Variants in ZNF675 observed in about 807,000 individuals in gnomAD.
The protein encoded by ZNF675 is zinc finger protein 675.
A neutral mutation model predicts 56.1 loss-of-function variants in ZNF675; 36 were observed. The observed-to-expected ratio is 0.64, with a 90% CI of 0.49 to 0.85. ZNF675 has a LOEUF of 0.85. Among genes scored for constraint, ZNF675 ranks in the 40% least tolerant of loss-of-function variants. The pLI is 0.00. For missense variants in ZNF675, 663 were observed against 654.2 expected, an observed-to-expected ratio of 1.01 and a Z score of -0.15; for synonymous variants, 200 against 218.9, an observed-to-expected ratio of 0.91 and a Z score of 0.76.
intron 1 of ZNF675, among the ~76,000 whole-genome samples, chr19:23,673,873 T>C (rs1968256899): frequency 6.7e-6 from 1 of 149,598 alleles, no homozygotes; most frequent in Non-Finnish European, 1.5e-5. Context: ...AAAAATTTTA[T>C]CCGGCCCCAG....
intron 1 of ZNF675, among the ~76,000 whole-genome samples, chr19:23,665,487 T>G (rs1163233128): frequency 6.6e-6 from 1 of 152,054 alleles, no homozygotes; most frequent in Non-Finnish European, 1.5e-5. Context: ...AGTGGTTTTT[T>G]TGTTCTTTGG....
intron 1 of ZNF675, among the ~76,000 whole-genome samples, chr19:23,681,126 G>A (rs576501130): frequency 1.3e-5 from 2 of 151,850 alleles, no homozygotes; most frequent in African/African-American, 4.9e-5. Flanking sequence ...GAAGGCAGAA[G>A]AGATTATGAA....
intron 1 of ZNF675, among the ~76,000 whole-genome samples, chr19:23,669,289 G>A (rs942586267): frequency 1.7e-4 from 22 of 131,060 alleles, no homozygotes; most frequent in Admixed American, 6.6e-4. Context: ...ATATGACACC[G>A]TTGGCAGCGG....
At chr19:23,667,108 G>T (rs931045305) in intron 1 of ZNF675, among the ~76,000 whole-genome samples, 1 of 152,058 alleles carries the variant, frequency 6.6e-6, no homozygotes, top group Non-Finnish European at 1.5e-5. Context: ...TCCTTCTGGT[G>T]GGTTCGTGGT....
chr19:23,687,173 G>C lies in ZNF675; in HGVS notation c.-140C>G, dbSNP rs539798819. ...AGACCTGGAGCTCCGGCTGCAGCGA[G>C]AGACAAAGGCGCCGCCAAATCCCGG... is the stretch of plus-strand genomic sequence containing the variant. On this transcript the variant is annotated 5_prime_UTR_variant, in exon 1 of 4. Coordinates refer to ENST00000359788, the MANE Select transcript of ZNF675 (RefSeq NM_138330.3). 1.9e-6 allele frequency: 2 copies of C among 1,060,806 alleles called. No homozygotes were observed. The highest frequency in any genetic ancestry group is 2.5e-5 in the East Asian group (1 of 40,800). 65.7% of individuals were successfully genotyped at this position (1,060,806 alleles called of 1,614,324 possible).
chr19:23,661,551 G>A (rs576701045), intron 3 of ZNF675, among the ~76,000 whole-genome samples: 1 of 152,106 alleles, frequency 6.6e-6, no homozygotes, highest in East Asian at 2.0e-4. Context: ...TTAGCCGGGT[G>A]TGGTGGCACG....
At chr19:23,686,667 C>T (rs1322178285) in intron 1 of ZNF675, among the ~76,000 whole-genome samples, 1 of 152,040 alleles carries the variant, frequency 6.6e-6, no homozygotes, top group African/African-American at 2.4e-5. Context: ...AACTGGGAAC[C>T]CCACGGACCA....
At chr19:23,669,973 G>T (rs1460173365) in intron 1 of ZNF675, among the ~76,000 whole-genome samples, 1 of 152,040 alleles carries the variant, frequency 6.6e-6, no homozygotes, top group Admixed American at 6.6e-5. Context: ...CTAAGTCTGG[G>T]GCCTAAAGAG....
At chr19:23,674,219 TAAAAC>T (rs1968265435) in intron 1 of ZNF675, among the ~76,000 whole-genome samples, 1 of 151,352 alleles carries the variant, frequency 6.6e-6, no homozygotes, top group African/African-American at 2.4e-5. Context: ...TAAAATAAAA[TAAAAC>T]AAAAATAAAA....
At chr19:23,678,374 C>T (rs1243093564) in intron 1 of ZNF675, among the ~76,000 whole-genome samples, 1 of 150,644 alleles carries the variant, frequency 6.6e-6, no homozygotes, top group African/African-American at 2.5e-5. Flanking sequence ...CCTCAGCCAC[C>T]CAAGTAGCCG....
Position 23,653,513 on chromosome 19 carries a change from G to A in ZNF675, c.1420C>T (p.His474Tyr). 1 of 1,613,278 alleles carries A rather than the reference G, an allele frequency of 6.2e-7. No individual in the cohort carries two copies. Among genetic ancestry groups the A allele is most frequent in the South Asian group, 1.1e-5 (1 of 91,044 alleles). The change falls in exon 4 of 4, where the codon CAT (histidine) becomes TAT (tyrosine). Residue 474 changes from histidine (H) to tyrosine (Y), a missense_variant. His to Tyr is a moderately conservative substitution (Grantham distance 83, BLOSUM62 2). This residue lies in a region of ZNF675 where 617 missense variants were observed against 590.5 expected (regional missense o/e 1.04). Transcript: ENST00000359788. ...SSKLTEHKKIHSGEIPYKCEE... is the reference protein window; with the variant it reads ...SSKLTEHKKIYSGEIPYKCEE... ...CACTTGTAGGGTATCTCTCCAGAAT[G>A]AATTTTCTTATGTTCAGTAAGTTTT...
chr19:23,669,231 A>G (rs946744513), intron 1 of ZNF675, among the ~76,000 whole-genome samples: 4 of 152,212 alleles, frequency 2.6e-5, no homozygotes, highest in Non-Finnish European at 5.9e-5. Context: ...CCTGCCCAGA[A>G]GGGGGAAAGA....
chr19:23,670,257 T>G (rs1272283287), intron 1 of ZNF675, among the ~76,000 whole-genome samples: 1 of 152,154 alleles, frequency 6.6e-6, no homozygotes, highest in African/African-American at 2.4e-5. Flanking sequence ...TGCAATACTG[T>G]CTGGCCCTAT....
intron 1 of ZNF675, among the ~76,000 whole-genome samples, chr19:23,672,846 G>C (rs928866306): frequency 6.6e-6 from 1 of 152,170 alleles, no homozygotes; most frequent in African/African-American, 2.4e-5. Flanking sequence ...CCAGTTACAA[G>C]TGTATTTGTA....
chr19:23,676,588 GAAC>G (rs1968297439), intron 1 of ZNF675, among the ~76,000 whole-genome samples: 1 of 151,676 alleles, frequency 6.6e-6, no homozygotes, highest in South Asian at 2.1e-4. Context: ...CACTTAAACA[GAAC>G]TACAGACAAA....
At position 23,663,160 on chromosome 19, in the gene ZNF675, T is replaced by A. The variant is rs2144929565; in HGVS notation, c.4-2A>T. The A allele has an allele frequency of 6.2e-7, 1 of 1,604,170 alleles. No homozygotes were observed. Among genetic ancestry groups the A allele is most frequent in the South Asian group, 1.1e-5 (1 of 90,070 alleles). ...CACATCCCTAAATGTCAACAGTCCCTGAAAAACACATACACACAAACATAT... is the reference window on the plus strand; with the variant it reads ...CACATCCCTAAATGTCAACAGTCCCAGAAAAACACATACACACAAACATAT... On this transcript the variant is annotated splice_acceptor_variant, in intron 1 of 3. Transcript: ENST00000359788. LOFTEE classifies it high-confidence loss of function.
At chr19:23,671,010 C>T (rs1216426705) in intron 1 of ZNF675, among the ~76,000 whole-genome samples, 3 of 152,080 alleles carry the variant, frequency 2.0e-5, no homozygotes, top group Non-Finnish European at 4.4e-5. Flanking sequence ...TTTCTTGAGG[C>T]TCTCCTTGGA....
At chr19:23,658,932 G>T (rs1210169857) in intron 3 of ZNF675, among the ~76,000 whole-genome samples, 14 of 16,424 alleles carry the variant, frequency 8.5e-4, no homozygotes, top group South Asian at 2.5e-3. Flanking sequence ...TATAGATACC[G>T]ATCTATAGAT....
chr19:23,673,024 T>C (rs1014898696), intron 1 of ZNF675, among the ~76,000 whole-genome samples: 4 of 152,304 alleles, frequency 2.6e-5, no homozygotes, highest in Non-Finnish European at 5.9e-5. Context: ...CTGGTGGCAA[T>C]AGCAAACAGT....
Sources: allele counts gnomAD v4.1 joint callset (sites outside exome capture counted in the v4.1 genomes callset), GRCh38; gene constraint gnomAD v4.1.1; regional missense constraint gnomAD v4.1.1; transcripts MANE v1.5; gene names NCBI Gene and HGNC (gene_info 2026-07-23, HGNC 2026-07-21).